The following PDS5B variants were observed in gnomAD, a reference collection of about 807,000 sequenced individuals.
PDS5B encodes PDS5 cohesin associated factor B.
Under a neutral mutation model 184.1 loss-of-function variants are expected in PDS5B, and 51 were observed. That is an observed-to-expected ratio of 0.28 (90% CI 0.22 to 0.35). The LOEUF is 0.35. Ranked by LOEUF, PDS5B falls within the 10% of genes least tolerant of loss-of-function variation. The pLI is 1.00. For synonymous variants in PDS5B, 566 were observed against 569.2 expected (o/e 0.99, Z 0.08); for missense variants, 1,180 against 1,723.3 (o/e 0.68, Z 5.58).
Position 32,776,847 on chromosome 13 carries a change from GTTTTGAAT to G in PDS5B, c.*1797_*1804del, listed in dbSNP as rs1954972880. ...AACAGCCATTTATTTTTTAAAAAGT[GTTTTGAAT>G]TGTGTCTTAATCTCTCCATATTCAA... On this transcript the variant is annotated 3_prime_UTR_variant, in exon 35 of 35. Transcript: ENST00000315596. 1 of 152,364 alleles carries G rather than the reference GTTTTGAAT, an allele frequency of 6.6e-6. No homozygotes were observed. Among genetic ancestry groups the G allele is most frequent in the South Asian group, 2.1e-4 (1 of 4,828 alleles). 9.4% of individuals were successfully genotyped at this position (152,364 alleles called of 1,614,324 possible). A position where few individuals can be genotyped will look rare whatever the true frequency, so the allele number is the denominator to read the frequency against.
chr13:32,713,947 G>A (rs981316043), intron 19 of PDS5B, among the ~76,000 whole-genome samples: 3 of 152,052 alleles, frequency 2.0e-5, no homozygotes, highest in Admixed American at 6.6e-5. Context: ...CCTAAGCGGC[G>A]GCCGGCTTGA....
chr13:32,645,452 A>C (rs1950192921), intron 1 of PDS5B, among the ~76,000 whole-genome samples: 1 of 151,948 alleles, frequency 6.6e-6, no homozygotes, highest in African/African-American at 2.4e-5. Flanking sequence ...AGACTTGGAT[A>C]TTTTTCCTTG....
chr13:32,767,880 A>G (rs1954634388), intron 31 of PDS5B, among the ~76,000 whole-genome samples: 1 of 152,262 alleles, frequency 6.6e-6, no homozygotes, highest in Admixed American at 6.5e-5. Context: ...AAATAAAGGT[A>G]GGTTCAGCCC....
intron 30 of PDS5B, 33 bp from the exon 31 acceptor site, chr13:32,764,456 T>G (rs1443353395): frequency 3.1e-6 from 4 of 1,291,662 alleles, no homozygotes; most frequent in Non-Finnish European, 4.3e-6. Flanking sequence ...GTTATTTGAT[T>G]GTAATAACAA....
At chr13:32,632,271 C>T (rs2058469054) in intron 1 of PDS5B, among the ~76,000 whole-genome samples, 2 of 152,056 alleles carry the variant, frequency 1.3e-5, no homozygotes, top group South Asian at 4.1e-4. Context: ...CAAGTCATAT[C>T]TTTAACAAGG....
chr13:32,619,025 C>T (rs2058257473), intron 1 of PDS5B, among the ~76,000 whole-genome samples: 1 of 151,018 alleles, frequency 6.6e-6, no homozygotes, highest in South Asian at 2.1e-4. Flanking sequence ...TCTTCACCGT[C>T]ATACCACACT....
At chr13:32,609,819 C>T (rs1015786329) in intron 1 of PDS5B, among the ~76,000 whole-genome samples, 5 of 151,530 alleles carry the variant, frequency 3.3e-5, no homozygotes, top group Non-Finnish European at 2.9e-5. Context: ...ACCATTGCTG[C>T]ATCCGTTGGT....
intron 24 of PDS5B, among the ~76,000 whole-genome samples, chr13:32,748,587 A>C (rs1953848265): frequency 6.6e-6 from 1 of 151,918 alleles, no homozygotes; most frequent in Non-Finnish European, 1.5e-5. Flanking sequence ...CAGCAACGTT[A>C]AGGTTTTTCA....
chr13:32,596,151 A>T lies in PDS5B; in HGVS notation c.-20+9558A>T, dbSNP rs931147100. ...TGAGGTGTGATGATTATACACATGT[A>T]ACCAATAACCACAAGAAGATGTAGA... On this transcript the variant is annotated intron_variant, in intron 1 of 34. Coordinates refer to ENST00000315596, the MANE Select transcript of PDS5B (RefSeq NM_015032.4). Among the ~76,000 whole-genome samples, 4 of 152,318 alleles carry T rather than the reference A, an allele frequency of 2.6e-5. No homozygotes were observed. In the South Asian group the frequency reaches 8.3e-4, roughly 32 times the overall value.
intron 1 of PDS5B, among the ~76,000 whole-genome samples, chr13:32,644,197 T>G (rs1029466139): frequency 6.6e-6 from 1 of 152,232 alleles, no homozygotes; most frequent in Non-Finnish European, 1.5e-5. Context: ...ATGCTTGTTA[T>G]GGATGTCCCT....
intron 9 of PDS5B, among the ~76,000 whole-genome samples, chr13:32,676,305 T>C (rs1951061961): frequency 6.6e-6 from 1 of 152,168 alleles, no homozygotes; most frequent in Admixed American, 6.5e-5. Flanking sequence ...ATTAGGTTGT[T>C]TGGAGATATT....
chr13:32,690,400 G>A (rs1951515511), intron 13 of PDS5B: 1 of 152,200 alleles, frequency 6.6e-6, no homozygotes, highest in Non-Finnish European at 1.5e-5. Context: ...TCAGATAACA[G>A]CATGTAAGGT....
At chr13:32,623,214 C>T (rs2058325832) in intron 1 of PDS5B, among the ~76,000 whole-genome samples, 1 of 152,174 alleles carries the variant, frequency 6.6e-6, no homozygotes, top group African/African-American at 2.4e-5. Flanking sequence ...ATATCTCAAA[C>T]ACTAGTTTTA....
chr13:32,651,282 T>C (rs992608721), intron 2 of PDS5B, among the ~76,000 whole-genome samples: 2 of 152,220 alleles, frequency 1.3e-5, no homozygotes, highest in Non-Finnish European at 2.9e-5. Context: ...TCATAGTAGC[T>C]TTTCAGTGTT....
At chr13:32,597,954 G>C (rs2057906104) in intron 1 of PDS5B, among the ~76,000 whole-genome samples, 1 of 151,840 alleles carries the variant, frequency 6.6e-6, no homozygotes, top group African/African-American at 2.4e-5. Flanking sequence ...GATCTTAAGG[G>C]GGAAGGCATT....
chr13:32,758,432 G>T, intron 27 of PDS5B, 102 bp from the exon 28 acceptor site: 1 of 1,188,486 alleles, frequency 8.4e-7, no homozygotes, highest in East Asian at 2.4e-5. Flanking sequence ...GCTTTCATTA[G>T]TTTGCTATTC....
chr13:32,624,416 C>T (rs2058343128), intron 1 of PDS5B, among the ~76,000 whole-genome samples: 1 of 152,076 alleles, frequency 6.6e-6, no homozygotes, highest in African/African-American at 2.4e-5. Context: ...TCTGCTTGAC[C>T]TGTCCATTGA....
At chr13:32,664,473 G>A (rs988334089) in intron 6 of PDS5B, among the ~76,000 whole-genome samples, 1 of 152,110 alleles carries the variant, frequency 6.6e-6, no homozygotes, top group Non-Finnish European at 1.5e-5. Context: ...CATAATAGAA[G>A]ACTTACATAT....
intron 34 of PDS5B, among the ~76,000 whole-genome samples, chr13:32,773,771 C>T (rs933726853): frequency 3.9e-5 from 6 of 152,028 alleles, no homozygotes; most frequent in Non-Finnish European, 8.8e-5. Flanking sequence ...GTAATACATA[C>T]TTATTTTGCA....
Sources: allele counts gnomAD v4.1 joint callset (sites outside exome capture counted in the v4.1 genomes callset), GRCh38; gene constraint gnomAD v4.1.1; transcripts MANE v1.5; gene names NCBI Gene and HGNC (gene_info 2026-07-23, HGNC 2026-07-21).